Variants in FTO observed in about 807,000 individuals in gnomAD.
FTO encodes FTO alpha-ketoglutarate dependent dioxygenase, also known as alpha-ketoglutarate-dependent dioxygenase FTO.
A neutral mutation model predicts 63.9 loss-of-function variants in FTO; 47 were observed. The ratio of observed to expected loss-of-function variants is 0.74; its 90% CI spans 0.58 to 0.94. The LOEUF is 0.94. FTO is among the 40% of genes least tolerant of loss of function. FTO has a pLI of 0.00. For missense variants in FTO, 562 were observed against 618.1 expected (o/e 0.91, Z 0.96); for synonymous variants, 207 against 224.4 (o/e 0.92, Z 0.69).
chr16:53,736,355 T>TA lies in FTO; in HGVS notation c.45+32141dup, dbSNP rs58789508. On this transcript the variant is annotated intron_variant, in intron 1 of 8. Transcript: ENST00000471389. ...TGTACCCTAGGACTTAAAGTATAAT[T>TA]AAAAAAAAAAAAAAAGCTCCACCAT... Among the ~76,000 whole-genome samples, 284 of 123,016 alleles carry TA rather than the reference T, an allele frequency of 2.3e-3. 1 individual carries two copies. Among genetic ancestry groups the TA allele is most frequent in the African/African-American group, 6.5e-3 (174 of 26,680 alleles). The allele number at this position is 123,016 out of a possible 152,430, so 80.7% of individuals were successfully genotyped here.
chr16:53,741,090 T>G (rs1424228404), intron 1 of FTO, among the ~76,000 whole-genome samples: 1 of 152,208 alleles, frequency 6.6e-6, no homozygotes, highest in African/African-American at 2.4e-5. Flanking sequence ...GATATGAAAT[T>G]TAAAATTGTT....
chr16:53,909,180 C>A (rs1267250161), intron 7 of FTO, among the ~76,000 whole-genome samples: 1 of 152,094 alleles, frequency 6.6e-6, no homozygotes, highest in Non-Finnish European at 1.5e-5. Context: ...CATCTACCAG[C>A]GGGGCTCAAA....
At chr16:53,993,044 C>T (rs1321152040) in intron 8 of FTO, 1 of 152,218 alleles carries the variant, frequency 6.6e-6, no homozygotes, top group East Asian at 1.9e-4. Flanking sequence ...AGTTTATTAA[C>T]AGCCCTATTC....
intron 4 of FTO, among the ~76,000 whole-genome samples, chr16:53,872,574 G>T (rs1409762508): frequency 6.6e-6 from 1 of 152,130 alleles, no homozygotes; most frequent in African/African-American, 2.4e-5. Context: ...ATTATATCTT[G>T]CTGAAACCTT....
intron 8 of FTO, among the ~76,000 whole-genome samples, chr16:54,052,045 G>A (rs926938405): frequency 1.3e-5 from 2 of 152,188 alleles, no homozygotes; most frequent in African/African-American, 4.8e-5. Flanking sequence ...TTCTGAGATC[G>A]TATTATTCTC....
intron 1 of FTO, among the ~76,000 whole-genome samples, chr16:53,809,482 C>T (rs1293000515): frequency 6.6e-6 from 1 of 152,040 alleles, no homozygotes; most frequent in East Asian, 1.9e-4. Context: ...TACAGACAGG[C>T]GTTTGCTCTG....
intron 8 of FTO, among the ~76,000 whole-genome samples, chr16:53,964,693 G>C (rs1475321036): frequency 6.6e-6 from 1 of 152,164 alleles, no homozygotes; most frequent in Non-Finnish European, 1.5e-5. Context: ...AATGTAGTCT[G>C]CTTCTATAAT....
chr16:54,038,711 C>T (rs1162686441), intron 8 of FTO, among the ~76,000 whole-genome samples: 9 of 152,164 alleles, frequency 5.9e-5, no homozygotes. Flanking sequence ...CACCTCTCCC[C>T]TCTCTCTCTT....
At chr16:53,973,690 T>TA (rs1432628860) in intron 8 of FTO, among the ~76,000 whole-genome samples, 2 of 151,786 alleles carry the variant, frequency 1.3e-5, no homozygotes, top group East Asian at 3.9e-4. Flanking sequence ...CAGGGAAGTA[T>TA]AAAAAATGAA....
At chr16:53,796,729 T>TTTTA (rs1177759522) in intron 1 of FTO, among the ~76,000 whole-genome samples, 1 of 152,176 alleles carries the variant, frequency 6.6e-6, no homozygotes, top group Admixed American at 6.5e-5. Flanking sequence ...GCAGGCCCAG[T>TTTTA]TTTATAGGCA....
At chr16:54,081,659 T>C (rs1450995502) in intron 8 of FTO, among the ~76,000 whole-genome samples, 1 of 152,162 alleles carries the variant, frequency 6.6e-6, no homozygotes, top group Non-Finnish European at 1.5e-5. Flanking sequence ...TGTTTGGAGA[T>C]AGGGCATGTG....
chr16:54,101,458 T>A (rs772179266), intron 8 of FTO, among the ~76,000 whole-genome samples: 1 of 152,178 alleles, frequency 6.6e-6, no homozygotes, highest in Non-Finnish European at 1.5e-5. Context: ...CGATCTTGTT[T>A]TTTGTTATGG....
intron 4 of FTO, among the ~76,000 whole-genome samples, chr16:53,872,923 T>A (rs2080540392): frequency 6.6e-6 from 1 of 152,212 alleles, no homozygotes; most frequent in African/African-American, 2.4e-5. Flanking sequence ...ACTTGTGGTA[T>A]CATTTCTTAG....
chr16:53,713,438 G>A (rs1168899555), intron 1 of FTO, among the ~76,000 whole-genome samples: 1 of 152,180 alleles, frequency 6.6e-6, no homozygotes, highest in Admixed American at 6.5e-5. Context: ...ACACCTTAGA[G>A]AAGGTGAATT....
intron 1 of FTO, among the ~76,000 whole-genome samples, chr16:53,781,413 A>G (rs2077585449): frequency 2.0e-5 from 3 of 152,224 alleles, no homozygotes; most frequent in Admixed American, 6.5e-5. Flanking sequence ...TGTGAACATG[A>G]AAGGTCAGAG....
chr16:53,911,401 G>A (rs1189932504), intron 7 of FTO: 4 of 703,118 alleles, frequency 5.7e-6, no homozygotes, highest in East Asian at 2.7e-5. Context: ...GAAAGTCAGC[G>A]AATGTAATAG....
At chr16:53,924,991 A>C (rs117640503) in intron 7 of FTO, among the ~76,000 whole-genome samples, 1 of 150,762 alleles carries the variant, frequency 6.6e-6, no homozygotes, top group African/African-American at 2.4e-5. Flanking sequence ...CCTGAGATCG[A>C]CCTTTCTTTG....
intron 1 of FTO, among the ~76,000 whole-genome samples, chr16:53,733,651 G>A (rs1431889238): frequency 6.6e-6 from 1 of 152,156 alleles, no homozygotes; most frequent in Non-Finnish European, 1.5e-5. Context: ...TTTTAAGAGA[G>A]TAATTGTGTG....
intron 5 of FTO, among the ~76,000 whole-genome samples, chr16:53,878,303 A>G (rs1439818441): frequency 6.8e-6 from 1 of 147,604 alleles, no homozygotes. Flanking sequence ...ACCCCGTCTC[A>G]AAAAAAAAAA....
Sources: gnomAD v4.1 joint callset for allele counts (sites outside exome capture counted in the v4.1 genomes callset) on GRCh38, gnomAD v4.1.1 for gene constraint, MANE v1.5 for transcripts, NCBI Gene and HGNC (gene_info 2026-07-23, HGNC 2026-07-21) for gene names.